Variants in SCHIP1 observed in about 807,000 individuals in gnomAD.
SCHIP1 encodes schwannomin-interacting protein 1.
Under a neutral mutation model 29.7 loss-of-function variants are expected in SCHIP1, and 8 were observed. The ratio of observed to expected loss-of-function variants is 0.27; its 90% confidence interval spans 0.16 to 0.49. The LOEUF (loss-of-function observed/expected upper bound fraction) is 0.49. Ranked by LOEUF, SCHIP1 falls within the 20% of genes least tolerant of loss-of-function variation. The probability of loss-of-function intolerance (pLI) is 0.99; values close to 1 mark genes in which losing one functional copy is unlikely to be tolerated. For missense variants in SCHIP1, 193 were observed against 294.6 expected (o/e 0.66, Z 2.52); for synonymous variants, 76 against 94.9 (o/e 0.80, Z 1.16).
At position 159,852,658 on chromosome 3, in the gene SCHIP1, A is replaced by C. The variant is rs74875842; in HGVS notation, c.30+12444A>C. Among the ~76,000 whole-genome samples, 952 of 152,294 alleles carry C rather than the reference A, an allele frequency of 6.3e-3. 12 individuals are homozygous for C. Among genetic ancestry groups the C allele is most frequent in the African/African-American group, 0.022 (897 of 41,556 alleles). Reference sequence around the variant, plus strand: ...GGATCTTTTTCTGTTGCCTATATTAATAGAACAAAGCACTGCTCCCAGGGC... The same window carrying C: ...GGATCTTTTTCTGTTGCCTATATTACTAGAACAAAGCACTGCTCCCAGGGC... On this transcript the variant is annotated intron_variant, in intron 1 of 6. Coordinates refer to ENST00000445224, the Ensembl canonical transcript of SCHIP1.
chr3:159,485,246 G>C, the SCHIP1 span, among the ~76,000 whole-genome samples: 1 of 152,156 alleles, frequency 6.6e-6, no homozygotes, highest in Admixed American at 6.5e-5. Flanking sequence ...CAGCCTGCCT[G>C]GGGTCAGGTC....
the SCHIP1 span, among the ~76,000 whole-genome samples, chr3:159,468,753 TATA>T: frequency 2.0e-3 from 230 of 115,404 alleles, no homozygotes; most frequent in Middle Eastern, 8.5e-3. Context: ...TAATATATAA[TATA>T]ATATATATAT....
chr3:159,407,655 A>T, the SCHIP1 span, among the ~76,000 whole-genome samples: 4 of 152,258 alleles, frequency 2.6e-5, no homozygotes, highest in Non-Finnish European at 5.9e-5. Flanking sequence ...GTCATGAAAC[A>T]TTCAACAAAT....
chr3:159,457,863 G>T, the SCHIP1 span, among the ~76,000 whole-genome samples: 1 of 152,064 alleles, frequency 6.6e-6, no homozygotes, highest in Non-Finnish European at 1.5e-5. Flanking sequence ...TTATGTAAAT[G>T]TGCCCCCCAA....
the SCHIP1 span, among the ~76,000 whole-genome samples, chr3:159,539,411 T>C: frequency 7.3e-6 from 1 of 136,878 alleles, no homozygotes; most frequent in Non-Finnish European, 1.7e-5. Context: ...ATTAATTTAG[T>C]ATATCAAAGT....
the SCHIP1 span, among the ~76,000 whole-genome samples, chr3:159,675,541 C>T: frequency 2.0e-5 from 3 of 152,274 alleles, no homozygotes; most frequent in South Asian, 2.1e-4. Context: ...GATGGTTCCA[C>T]GAAAAGGCCA....
chr3:159,478,697 C>T, the SCHIP1 span, among the ~76,000 whole-genome samples: 1 of 152,024 alleles, frequency 6.6e-6, no homozygotes, highest in Non-Finnish European at 1.5e-5. Context: ...ATAATTTTTT[C>T]TACCCATGAG....
chr3:159,839,755 C>A, upstream of SCHIP1: 1 of 478,260 alleles, frequency 2.1e-6, no homozygotes, highest in Non-Finnish European at 3.2e-6. Context: ...GTCCCTCTCC[C>A]TCTCCCTCGC....
At chr3:159,473,425 G>A in the SCHIP1 span, among the ~76,000 whole-genome samples, 2 of 152,102 alleles carry the variant, frequency 1.3e-5, no homozygotes, top group African/African-American at 4.8e-5. Flanking sequence ...AGGATATGTA[G>A]GAATAAGCTT....
At chr3:159,556,282 G>A in the SCHIP1 span, among the ~76,000 whole-genome samples, 1 of 152,236 alleles carries the variant, frequency 6.6e-6, no homozygotes, top group Admixed American at 6.5e-5. Flanking sequence ...GTGCTGGAGA[G>A]GATGTGGAGA....
chr3:159,299,011 C>T, the SCHIP1 span, among the ~76,000 whole-genome samples: 1 of 152,076 alleles, frequency 6.6e-6, no homozygotes, highest in Non-Finnish European at 1.5e-5. Context: ...GTGTCTTCAA[C>T]AAAAAACTTT....
the SCHIP1 span, among the ~76,000 whole-genome samples, chr3:159,826,406 A>C: frequency 3.5e-4 from 53 of 152,296 alleles, no homozygotes; most frequent in Non-Finnish European, 1.2e-4. Flanking sequence ...AAAACCTCAA[A>C]ACATAGCCCA....
chr3:159,488,774 A>C, the SCHIP1 span, among the ~76,000 whole-genome samples: 1 of 152,220 alleles, frequency 6.6e-6, no homozygotes, highest in Non-Finnish European at 1.5e-5. Flanking sequence ...CATAGGAAAA[A>C]AACAACACTA....
chr3:159,640,310 C>T, the SCHIP1 span, among the ~76,000 whole-genome samples: 1 of 152,082 alleles, frequency 6.6e-6, no homozygotes, highest in Non-Finnish European at 1.5e-5. Context: ...TGCTCTAATC[C>T]TGATTCTACC....
the SCHIP1 span, among the ~76,000 whole-genome samples, chr3:159,282,029 GT>G: frequency 6.6e-6 from 1 of 151,866 alleles, no homozygotes; most frequent in South Asian, 2.1e-4. Flanking sequence ...ATTTCTTAAA[GT>G]TTTATGGTAC....
At chr3:159,399,916 G>T in the SCHIP1 span, among the ~76,000 whole-genome samples, 1 of 152,182 alleles carries the variant, frequency 6.6e-6, no homozygotes, top group African/African-American at 2.4e-5. Context: ...GACCTCCAGT[G>T]ATCATCCTGC....
chr3:159,814,271 G>T, the SCHIP1 span, among the ~76,000 whole-genome samples: 2 of 152,220 alleles, frequency 1.3e-5, no homozygotes, highest in Non-Finnish European at 2.9e-5. Flanking sequence ...TCCTGGATCA[G>T]TCAGGCTTTT....
the SCHIP1 span, among the ~76,000 whole-genome samples, chr3:159,537,773 T>C: frequency 1.3e-5 from 2 of 152,172 alleles, no homozygotes; most frequent in Non-Finnish European, 2.9e-5. Flanking sequence ...AAAAAGTATT[T>C]TTATAAAAAA....
chr3:159,776,113 A>G, the SCHIP1 span, among the ~76,000 whole-genome samples: 3 of 151,764 alleles, frequency 2.0e-5, no homozygotes, highest in African/African-American at 7.3e-5. Flanking sequence ...AAAAGAACCT[A>G]AATGCTAATC....
Sources: gnomAD v4.1 joint callset for allele counts (sites outside exome capture counted in the v4.1 genomes callset) on GRCh38, gnomAD v4.1.1 for gene constraint, MANE v1.5 for transcripts, NCBI Gene and HGNC (gene_info 2026-07-23, HGNC 2026-07-21) for gene names.